The following TRPC5 variants were observed in gnomAD, a reference collection of about 807,000 sequenced individuals.
TRPC5 encodes short transient receptor potential channel 5.
TRPC5 carries 9 observed loss-of-function variants against 56.5 expected under a neutral mutation model. The observed-to-expected ratio is 0.16, with a 90% CI of 0.10 to 0.28. The LOEUF is 0.28. Ranked by LOEUF, TRPC5 falls within the 10% of genes least tolerant of loss-of-function variation. TRPC5 has a pLI of 1.00. For synonymous variants in TRPC5, 282 were observed against 278.5 expected, an observed-to-expected ratio of 1.01 and a Z score of -0.13; for missense variants, 469 against 748.9, an observed-to-expected ratio of 0.63 and a Z score of 4.36.
chrX:111,899,903 T>C (rs1206998271), intron 3 of TRPC5, among the ~76,000 whole-genome samples: 1 of 111,188 alleles, frequency 9.0e-6, no homozygotes, highest in Non-Finnish European at 1.9e-5. Flanking sequence ...TCTCCTATAT[T>C]CCATATGGAA....
chrX:112,026,643 G>A (rs1929418829), intron 1 of TRPC5, among the ~76,000 whole-genome samples: 1 of 111,151 alleles, frequency 9.0e-6, no homozygotes, highest in Non-Finnish European at 1.9e-5. Context: ...GAAAACCACT[G>A]GACTAGATTA....
rs149860804 is a variant in TRPC5 at position 111,852,366 on chromosome X, G to A, written c.1309C>T (p.Leu437=). 153 of 1,207,371 alleles carry A rather than the reference G, an allele frequency of 1.3e-4. No homozygotes were observed. The African/African-American group carries it at 2.3e-3, about 18-fold the overall frequency. The change falls in exon 5 of 11, where the codon CTG becomes TTG. Residue 437 remains leucine (L), a synonymous_variant. Transcript: ENST00000262839. The part of the protein sequence containing the change: ...FTEYIHDWWN[L]MDFAMNSLYL... ...AGGGAGTTCATTGCAAAATCCATCA[G>A]GTTCCACCAGTCATGGATGTATTCA...
chrX:112,039,587 AG>A (rs1375052646), intron 1 of TRPC5, among the ~76,000 whole-genome samples: 3 of 112,229 alleles, frequency 2.7e-5, no homozygotes, highest in Non-Finnish European at 5.6e-5. Context: ...TATTATCTTA[AG>A]GAATAACCAC....
At position 111,790,784 on chromosome X, in the gene TRPC5, G is replaced by A. The variant is rs1344973225; in HGVS notation, c.1897-8646C>T. Among the ~76,000 whole-genome samples the A allele has an allele frequency of 2.7e-5, 3 of 110,188 alleles. No individual in the cohort carries two copies. The East Asian group carries it at 8.6e-4, about 32-fold the overall frequency. The stretch of plus-strand genomic sequence containing the variant: ...GCCTGGAATCCCAGCACTTTGGGAG[G>A]CCAAAGCTGGGGATCAGTTGAGGCC... On this transcript the variant is annotated intron_variant, in intron 7 of 10. Transcript: ENST00000262839.
intron 3 of TRPC5, among the ~76,000 whole-genome samples, chrX:111,904,776 G>A (rs961668002): frequency 4.5e-5 from 5 of 111,635 alleles, no homozygotes; most frequent in Admixed American, 1.9e-4. Flanking sequence ...TCCTGCAAAT[G>A]TACCCCAGAA....
At chrX:112,070,758 C>A (rs1027613412) in intron 1 of TRPC5, among the ~76,000 whole-genome samples, 6 of 108,353 alleles carry the variant, frequency 5.5e-5, no homozygotes, top group South Asian at 4.1e-4. Flanking sequence ...TGCCCCCCCC[C>A]AAAGTTACTT....
At chrX:111,957,687 A>C (rs112278783) in intron 1 of TRPC5, among the ~76,000 whole-genome samples, 99 of 111,988 alleles carry the variant, frequency 8.8e-4, no homozygotes, top group African/African-American at 2.9e-3. Flanking sequence ...GCAATAGTAG[A>C]TATTCAGTGT....
Position 111,966,650 on chromosome X carries a change from C to T in TRPC5, c.-21-14209G>A, listed in dbSNP as rs1463744802. Reference sequence around the variant, plus strand: ...TCCACCATGATCAAGTGGGCTTCATCTCTGGGATGCAAGGCTGGTTCAACA... The same window carrying T: ...TCCACCATGATCAAGTGGGCTTCATTTCTGGGATGCAAGGCTGGTTCAACA... On this transcript the variant is annotated intron_variant, in intron 1 of 10. Transcript: ENST00000262839. 8.0e-5 allele frequency among the ~76,000 whole-genome samples: 9 copies of T among 112,044 alleles called. No homozygotes were observed. The East Asian group carries it at 2.5e-3, about 31-fold the overall frequency.
At chrX:111,970,031 A>C (rs769296343) in intron 1 of TRPC5, among the ~76,000 whole-genome samples, 1 of 111,148 alleles carries the variant, frequency 9.0e-6, no homozygotes, top group African/African-American at 3.3e-5. Flanking sequence ...TCAAAGGAAG[A>C]TAAAACAAGC....
chrX:112,020,514 C>G (rs1009718326), intron 1 of TRPC5, among the ~76,000 whole-genome samples: 2 of 111,901 alleles, frequency 1.8e-5, no homozygotes, highest in Admixed American at 9.5e-5. Context: ...CTTGAAGGAA[C>G]CTTACCTGAG....
At chrX:112,022,381 G>C (rs1929293965) in intron 1 of TRPC5, among the ~76,000 whole-genome samples, 1 of 111,880 alleles carries the variant, frequency 8.9e-6, no homozygotes, top group African/African-American at 3.3e-5. Flanking sequence ...CTAGTTATCA[G>C]GTCCTCTAAA....
intron 1 of TRPC5, among the ~76,000 whole-genome samples, chrX:112,037,236 G>A (rs1929768559): frequency 1.8e-5 from 2 of 110,942 alleles, no homozygotes; most frequent in South Asian, 7.6e-4. Flanking sequence ...TGGTATTCTA[G>A]GTTTACCTGG....
chrX:111,806,386 T>A (rs1329696040), intron 7 of TRPC5, among the ~76,000 whole-genome samples: 1 of 112,024 alleles, frequency 8.9e-6, no homozygotes, highest in African/African-American at 3.2e-5. Flanking sequence ...AGGATTTTCT[T>A]CCAAATTCAC....
chrX:112,056,882 C>T (rs1475120755), intron 1 of TRPC5, among the ~76,000 whole-genome samples: 1 of 112,379 alleles, frequency 8.9e-6, no homozygotes, highest in East Asian at 2.8e-4. Flanking sequence ...ATTTTCCTTC[C>T]TATGACTACA....
chrX:112,063,553 T>A (rs188897784), intron 1 of TRPC5, among the ~76,000 whole-genome samples: 142 of 111,578 alleles, frequency 1.3e-3, no homozygotes, highest in Admixed American at 3.0e-3. Flanking sequence ...AAAATGTTAG[T>A]TTTGTTTTGT....
In TRPC5 at chrX:112,025,318, C is replaced by T. The variant is rs905494552; in HGVS notation, c.-22+56561G>A. The stretch of plus-strand genomic sequence containing the variant: ...GAAAAGAAAAATTAGCCAGTTATGC[C>T]AATTATAGAAATTATAGCTTATTAA... On this transcript the variant is annotated intron_variant, in intron 1 of 10. Transcript: ENST00000262839. Among the ~76,000 whole-genome samples, 20 of 111,885 alleles carry T rather than the reference C, an allele frequency of 1.8e-4. 1 individual carries two copies. Among genetic ancestry groups the T allele is most frequent in the Admixed American group, 1.4e-3 (15 of 10,555 alleles).
rs376480134 is a variant in TRPC5 at position 111,951,761 on chromosome X, G to A, written c.378+282C>T. ...AAGCAGGGTATACGAAAGTTAGAAG[G>A]GGCTTAAATAGTCTGGAAACAAAGA... On this transcript the variant is annotated intron_variant, in intron 2 of 10. Transcript: ENST00000262839. 8.9e-5 allele frequency among the ~76,000 whole-genome samples: 10 copies of A among 111,809 alleles called. No homozygotes were observed. The East Asian group carries it at 1.7e-3, about 19-fold the overall frequency.
rs764136194 is a variant in TRPC5, at chrX:111,948,576, C to T, written c.378+3467G>A. ...TTGAAATCCTGTCTCTACTAAAATACAAAAAATTAGCCAGGCGTGGCGGTG... is the reference window on the plus strand; with the variant it reads ...TTGAAATCCTGTCTCTACTAAAATATAAAAAATTAGCCAGGCGTGGCGGTG... On this transcript the variant is annotated intron_variant, in intron 2 of 10. Coordinates refer to ENST00000262839, the MANE Select transcript of TRPC5 (RefSeq NM_012471.3). 1.8e-3 allele frequency among the ~76,000 whole-genome samples: 200 copies of T among 109,285 alleles called. 1 individual carries two copies. Among genetic ancestry groups the T allele is most frequent in the African/African-American group, 6.5e-3 (194 of 30,014 alleles). The allele number at this position is 109,285 out of a possible 115,157, so 94.9% of individuals were successfully genotyped here.
At chrX:112,042,810 AT>A (rs34692008) in intron 1 of TRPC5, among the ~76,000 whole-genome samples, 147 of 104,978 alleles carry the variant, frequency 1.4e-3, no homozygotes, top group Middle Eastern at 9.8e-3. Context: ...TCTTAGCTAT[AT>A]TTTTTTTTTT....
Sources: allele counts gnomAD v4.1 joint callset (sites outside exome capture counted in the v4.1 genomes callset), GRCh38; gene constraint gnomAD v4.1.1; transcripts MANE v1.5; gene names NCBI Gene and HGNC (gene_info 2026-07-23, HGNC 2026-07-21).